ATG7: variants seen among roughly 807,000 people sequenced by gnomAD.
ATG7 encodes ubiquitin-like modifier-activating enzyme ATG7.
In ATG7, 70 loss-of-function variants were observed where a neutral mutation model predicts 82.4. The observed-to-expected ratio is 0.85, with a 90% confidence interval of 0.70 to 1.04. The LOEUF (loss-of-function observed/expected upper bound fraction) is 1.04, where lower values mean the gene tolerates loss of function less well. Among genes scored for constraint, ATG7 ranks in the 50% least tolerant of loss-of-function variants. The pLI, the probability that ATG7 is intolerant of heterozygous loss-of-function variation, is 0.00. For missense variants in ATG7, 792 were observed against 864.3 expected, an observed-to-expected ratio of 0.92 and a Z score of 1.05; for synonymous variants, 287 against 313.0, an observed-to-expected ratio of 0.92 and a Z score of 0.88.
intron 19 of ATG7, among the ~76,000 whole-genome samples, chr3:11,391,039 T>C (rs1005369117): frequency 3.3e-5 from 5 of 152,166 alleles, no homozygotes; most frequent in Admixed American, 3.3e-4. Flanking sequence ...GGGTGTCATG[T>C]AGTTGGCACT....
the ATG7 span, among the ~76,000 whole-genome samples, chr3:11,565,646 C>T: frequency 2.3e-4 from 35 of 152,288 alleles, no homozygotes; most frequent in African/African-American, 7.7e-4. The surrounding 1 kb of genome is among the most constrained non-coding windows in gnomAD (Gnocchi z 4.1). Flanking sequence ...GGAGCCGGCG[C>T]GCAGCTCTCT....
chr3:11,358,562 A>G lies in ATG7; in HGVS notation c.1429A>G (p.Thr477Ala). The change falls in exon 15 of 21, where the codon ACC (threonine) becomes GCC (alanine). Residue 477 changes from threonine (T) to alanine (A), a missense_variant. By Grantham distance (58) the Thr-to-Ala change is moderately conservative. Transcript: ENST00000693202. The part of the protein sequence containing the change: ...SHDVVFLLMD[T>A]RESRWLPAVI... The stretch of plus-strand genomic sequence containing the variant: ...TGATGTCGTCTTCCTATTGATGGAC[A>G]CCAGGGAGAGCCGGTGGCTTCCTGC... The G allele has an allele frequency of 6.2e-7, 1 of 1,613,944 alleles. No individual in the cohort carries two copies. Among genetic ancestry groups the G allele is most frequent in the Non-Finnish European group, 8.5e-7 (1 of 1,179,978 alleles).
intron 9 of ATG7, among the ~76,000 whole-genome samples, chr3:11,318,822 C>A (rs1024683172): frequency 6.6e-6 from 1 of 152,186 alleles, no homozygotes; most frequent in Non-Finnish European, 1.5e-5. Flanking sequence ...CTCTGTCTCC[C>A]TTCTGTCACC....
At chr3:11,574,442 T>C in the ATG7 span, among the ~76,000 whole-genome samples, 1 of 152,066 alleles carries the variant, frequency 6.6e-6, no homozygotes. Flanking sequence ...GCAGGCCAAG[T>C]CAGCCCAGAC....
chr3:11,329,884 A>G (rs1453376670), intron 9 of ATG7, among the ~76,000 whole-genome samples: 3 of 152,208 alleles, frequency 2.0e-5, no homozygotes, highest in Non-Finnish European at 4.4e-5. Flanking sequence ...GATCCAGTCC[A>G]GGATACTACA....
At chr3:11,453,510 C>T (rs949459008) in intron 20 of ATG7, among the ~76,000 whole-genome samples, 3 of 152,034 alleles carry the variant, frequency 2.0e-5, no homozygotes, top group Admixed American at 6.5e-5. Context: ...GAGAAGTAGG[C>T]GGGAGGAAGC....
chr3:11,389,693 C>G (rs1463306901), intron 19 of ATG7, among the ~76,000 whole-genome samples: 1 of 152,174 alleles, frequency 6.6e-6, no homozygotes, highest in East Asian at 1.9e-4. Context: ...GTGTATTCAG[C>G]AGAGTCTTGA....
At chr3:11,397,060 A>G (rs987814444) in intron 19 of ATG7, among the ~76,000 whole-genome samples, 6 of 152,220 alleles carry the variant, frequency 3.9e-5, no homozygotes, top group African/African-American at 1.4e-4. Flanking sequence ...ACAAGAAGTC[A>G]TGGTAAACTG....
chr3:11,510,419 C>A, intron 20 of ATG7: 1 of 384,042 alleles, frequency 2.6e-6, no homozygotes. Flanking sequence ...GCTACTGAAC[C>A]AAAGGGCCTC....
At chr3:11,310,458 A>G (rs930401162) in intron 7 of ATG7, among the ~76,000 whole-genome samples, 3 of 152,178 alleles carry the variant, frequency 2.0e-5, no homozygotes, top group African/African-American at 7.2e-5. Flanking sequence ...AAAGGAGGGT[A>G]TGATAGCAAT....
At chr3:11,456,667 A>C (rs1425507545) in intron 20 of ATG7, among the ~76,000 whole-genome samples, 1 of 151,840 alleles carries the variant, frequency 6.6e-6, no homozygotes, top group Non-Finnish European at 1.5e-5. Context: ...ATTTCTTTCT[A>C]CTCCCCCCAC....
intron 14 of ATG7, 188 bp downstream of exon 14, chr3:11,348,223 G>A: frequency 1.3e-6 from 1 of 742,150 alleles, no homozygotes; most frequent in South Asian, 2.1e-5. Flanking sequence ...GGTCAGGCAT[G>A]GTGGCTCATA....
rs77079537 is a variant in ATG7, at chr3:11,498,304, A to G, written c.2080-56507A>G. ...CTTCCCAGCACAATCAAGGGACACA[A>G]TTCCTGCTATCTGGGATGATATTTT... On this transcript the variant is annotated intron_variant, in intron 20 of 20. Transcript: ENST00000693202. Among the ~76,000 whole-genome samples, 1,108 of 152,346 alleles carry G rather than the reference A, an allele frequency of 7.3e-3. 17 individuals carry two copies. Among genetic ancestry groups the G allele is most frequent in the African/African-American group, 0.025 (1,056 of 41,574 alleles).
intron 20 of ATG7, among the ~76,000 whole-genome samples, chr3:11,491,167 G>A (rs1057338581): frequency 1.6e-4 from 25 of 152,194 alleles, no homozygotes; most frequent in Admixed American, 5.2e-4. Flanking sequence ...GGCTTTGTTC[G>A]TTTCTTTTTA....
chr3:11,334,787 G>A (rs62245861), intron 11 of ATG7, among the ~76,000 whole-genome samples: 30,642 of 150,588 alleles, frequency 0.2, 3,530 homozygotes, highest in South Asian at 0.35. Flanking sequence ...GCGAAACCCC[G>A]TCTCTACTAA....
At chr3:11,342,377 C>T (rs1953788573) in intron 13 of ATG7, 98 bp downstream of exon 13, 1 of 1,382,926 alleles carries the variant, frequency 7.2e-7, no homozygotes, top group South Asian at 1.5e-5. Context: ...AGCTCCCCAT[C>T]CCCTCCATCT....
intron 12 of ATG7, among the ~76,000 whole-genome samples, chr3:11,341,734 C>T (rs747146214): frequency 2.0e-4 from 30 of 152,308 alleles, no homozygotes; most frequent in African/African-American, 5.3e-4. Flanking sequence ...AGGCGTGAGC[C>T]GCTGTGCCTG....
At chr3:11,497,907 C>G (rs1272634492) in intron 20 of ATG7, among the ~76,000 whole-genome samples, 1 of 152,098 alleles carries the variant, frequency 6.6e-6, no homozygotes, top group Non-Finnish European at 1.5e-5. Flanking sequence ...AATATTAAAG[C>G]CACAATTTTG....
the ATG7 span, among the ~76,000 whole-genome samples, chr3:11,567,881 T>C: frequency 1.3e-5 from 2 of 152,184 alleles, no homozygotes; most frequent in Admixed American, 1.3e-4. Context: ...CCACCCCAGG[T>C]GATGCTTCCA....
Sources: gnomAD v4.1 joint callset for allele counts (sites outside exome capture counted in the v4.1 genomes callset) on GRCh38, gnomAD v4.1.1 for gene constraint, Gnocchi (gnomAD v3.1) non-coding constraint, MANE v1.5 for transcripts, NCBI Gene and HGNC (gene_info 2026-07-23, HGNC 2026-07-21) for gene names.